CACNA2D3: variants seen among roughly 807,000 people sequenced by gnomAD.
CACNA2D3 encodes voltage-dependent calcium channel subunit alpha-2/delta-3.
In CACNA2D3, 60 loss-of-function variants were observed where a neutral mutation model predicts 160.6. The observed-to-expected ratio is 0.37, with a 90% confidence interval of 0.30 to 0.46. The LOEUF is 0.46. Among genes scored for constraint, CACNA2D3 ranks in the 20% least tolerant of loss-of-function variants. The pLI is 1.00. For synonymous variants in CACNA2D3, 558 were observed against 492.9 expected (o/e 1.13, Z -1.75); for missense variants, 1,205 against 1,365.0 (o/e 0.88, Z 1.85).
At chr3:54,797,553 T>G (rs150369822) in intron 13 of CACNA2D3, among the ~76,000 whole-genome samples, 4 of 152,362 alleles carry the variant, frequency 2.6e-5, no homozygotes, top group South Asian at 2.1e-4. Flanking sequence ...ATCATACGGT[T>G]TTTTTGGTCT....
intron 27 of CACNA2D3, among the ~76,000 whole-genome samples, chr3:54,904,655 T>G (rs1364947185): frequency 6.6e-6 from 1 of 152,216 alleles, no homozygotes; most frequent in Admixed American, 6.5e-5. Flanking sequence ...GACCCAATTA[T>G]CTTTTTATTC....
chr3:54,721,091 T>C (rs557898930), intron 11 of CACNA2D3, among the ~76,000 whole-genome samples: 1 of 152,300 alleles, frequency 6.6e-6, no homozygotes, highest in South Asian at 2.1e-4. Flanking sequence ...CTTCAGTGAT[T>C]ACCCTAGAGG....
intron 3 of CACNA2D3, among the ~76,000 whole-genome samples, chr3:54,351,253 A>G (rs999932515): frequency 2.6e-5 from 4 of 151,886 alleles, no homozygotes; most frequent in African/African-American, 9.7e-5. Flanking sequence ...AAGTGCTGGG[A>G]TTACAGGCAT....
At chr3:54,217,835 C>G (rs1701488509) in intron 2 of CACNA2D3, among the ~76,000 whole-genome samples, 1 of 151,484 alleles carries the variant, frequency 6.6e-6, no homozygotes, top group Non-Finnish European at 1.5e-5. Flanking sequence ...TACAGCAGCC[C>G]CAGGAAATTA....
chr3:54,725,500 T>C (rs1701259286), intron 11 of CACNA2D3, among the ~76,000 whole-genome samples: 1 of 152,156 alleles, frequency 6.6e-6, no homozygotes, highest in South Asian at 2.1e-4. Flanking sequence ...TTAACATTGA[T>C]GCAAAAATCT....
intron 4 of CACNA2D3, among the ~76,000 whole-genome samples, chr3:54,412,371 G>T (rs1169159459): frequency 6.6e-6 from 1 of 151,944 alleles, no homozygotes; most frequent in African/African-American, 2.4e-5. Context: ...TTGTTTATCT[G>T]TTTAGTTCTG....
chr3:54,315,703 T>C (rs1703844441), intron 2 of CACNA2D3, among the ~76,000 whole-genome samples: 2 of 152,004 alleles, frequency 1.3e-5, no homozygotes, highest in Admixed American at 6.6e-5. Context: ...TTAGACAAAT[T>C]AATAGGTGAA....
intron 31 of CACNA2D3, among the ~76,000 whole-genome samples, chr3:54,990,792 G>T (rs1183142305): frequency 6.6e-6 from 1 of 152,174 alleles, no homozygotes; most frequent in Admixed American, 6.5e-5. Context: ...AGTGCCATCA[G>T]AGGGAAAGAA....
chr3:54,805,000 C>A (rs1184920773), intron 13 of CACNA2D3, among the ~76,000 whole-genome samples: 1 of 152,070 alleles, frequency 6.6e-6, no homozygotes, highest in African/African-American at 2.4e-5. Context: ...TCTTTGAAAC[C>A]AATGAGAACA....
intron 4 of CACNA2D3, among the ~76,000 whole-genome samples, chr3:54,457,898 A>G (rs539335767): frequency 7.4e-4 from 112 of 151,608 alleles, no homozygotes; most frequent in African/African-American, 2.6e-3. Context: ...AAGTATAGGT[A>G]CTCCTGCTCA....
At chr3:54,813,182 A>G (rs1171979237) in intron 13 of CACNA2D3, among the ~76,000 whole-genome samples, 2 of 152,210 alleles carry the variant, frequency 1.3e-5, no homozygotes, top group African/African-American at 2.4e-5. Context: ...ATTCAGTTAT[A>G]CAGAGAATCC....
At chr3:54,595,005 C>T (rs1438024031) in intron 9 of CACNA2D3, among the ~76,000 whole-genome samples, 1 of 152,218 alleles carries the variant, frequency 6.6e-6, no homozygotes, top group Non-Finnish European at 1.5e-5. Context: ...CGGCATGGTT[C>T]AACCCTATGT....
chr3:54,926,150 C>G (rs1701008754), intron 27 of CACNA2D3, among the ~76,000 whole-genome samples: 1 of 152,090 alleles, frequency 6.6e-6, no homozygotes, highest in Non-Finnish European at 1.5e-5. Flanking sequence ...ATGTATCCCT[C>G]CAGACATTTT....
chr3:54,710,716 TC>T (rs1398796891), intron 11 of CACNA2D3, among the ~76,000 whole-genome samples: 1 of 152,194 alleles, frequency 6.6e-6, no homozygotes, highest in Non-Finnish European at 1.5e-5. Context: ...CAAGAGCCTC[TC>T]CCTATAGAAA....
chr3:55,005,625 G>A (rs570866805), intron 32 of CACNA2D3, among the ~76,000 whole-genome samples: 25 of 152,248 alleles, frequency 1.6e-4, no homozygotes, highest in Non-Finnish European at 2.9e-4. Context: ...CACAGACGAG[G>A]ATCAATCAGC....
At chr3:54,976,053 A>G (rs1309523979) in intron 29 of CACNA2D3, among the ~76,000 whole-genome samples, 1 of 125,888 alleles carries the variant, frequency 7.9e-6, no homozygotes, top group African/African-American at 3.8e-5. Flanking sequence ...GTATAGATAT[A>G]GATACACACA....
intron 13 of CACNA2D3, among the ~76,000 whole-genome samples, chr3:54,797,615 C>T (rs1575480325): frequency 1.3e-5 from 2 of 152,194 alleles, no homozygotes; most frequent in African/African-American, 4.8e-5. Context: ...TCTTTTTGAA[C>T]TTTTTTAACT....
At chr3:54,771,793 G>T (rs1702327328) in intron 13 of CACNA2D3, among the ~76,000 whole-genome samples, 3 of 152,116 alleles carry the variant, frequency 2.0e-5, no homozygotes, top group Non-Finnish European at 4.4e-5. Flanking sequence ...TACACTCAAG[G>T]AGAGGGAATT....
chr3:54,981,496 G>A (rs180678668), intron 29 of CACNA2D3, among the ~76,000 whole-genome samples: 39 of 152,218 alleles, frequency 2.6e-4, no homozygotes, highest in Admixed American at 2.0e-4. Flanking sequence ...CATTGGGAGC[G>A]AGGGGGAGAG....
Sources: gnomAD v4.1 joint callset for allele counts (sites outside exome capture counted in the v4.1 genomes callset) on GRCh38, gnomAD v4.1.1 for gene constraint, MANE v1.5 for transcripts, NCBI Gene and HGNC (gene_info 2026-07-23, HGNC 2026-07-21) for gene names.